Variants in CIZ1 observed in about 807,000 individuals in gnomAD.
CIZ1 encodes CDKN1A interacting zinc finger protein 1.
Under a neutral mutation model 118.6 loss-of-function variants are expected in CIZ1, and 58 were observed. The observed-to-expected ratio is 0.49, with a 90% CI of 0.40 to 0.61. The LOEUF is 0.61. CIZ1 is among the 20% of genes least tolerant of loss of function. CIZ1 has a pLI of 0.00. For synonymous variants in CIZ1, 448 were observed against 443.4 expected (o/e 1.01, Z -0.13); for missense variants, 921 against 1,115.9 (o/e 0.83, Z 2.49).
intron 3 of CIZ1, among the ~76,000 whole-genome samples, chr9:128,189,119 T>G (rs377207010): frequency 6.6e-6 from 1 of 152,022 alleles, no homozygotes; most frequent in East Asian, 1.9e-4. Context: ...GTATTTTTAA[T>G]AGAGACAGAG....
At chr9:128,177,965 C>T (rs982666353) in intron 9 of CIZ1, among the ~76,000 whole-genome samples, 1 of 152,158 alleles carries the variant, frequency 6.6e-6, no homozygotes, top group Non-Finnish European at 1.5e-5. Context: ...GCCTAAAGTA[C>T]CACTCATCCC....
At position 128,201,171 on chromosome 9, in the gene CIZ1, G is replaced by A. The variant is rs569378485; in HGVS notation, c.-6+3015C>T. On this transcript the variant is annotated intron_variant, in intron 1 of 17. Coordinates refer to the CIZ1 transcript ENST00000372948. ...TAGTCCCAGCTACTTGGGAGGCTGA[G>A]GCAGGAGAATTGCTTGAACCCAGGA... Among the ~76,000 whole-genome samples, 65 of 152,228 alleles carry A rather than the reference G, an allele frequency of 4.3e-4. 3 individuals carry two copies. The highest frequency in any genetic ancestry group is 1.5e-3 in the African/African-American group (62 of 41,478).
At chr9:128,188,435 C>T (rs1465043251) in intron 3 of CIZ1, among the ~76,000 whole-genome samples, 1 of 152,074 alleles carries the variant, frequency 6.6e-6, no homozygotes, top group Non-Finnish European at 1.5e-5. Context: ...GTTTTCCTAT[C>T]CCCATTTTTA....
intron 5 of CIZ1, among the ~76,000 whole-genome samples, chr9:128,184,489 A>ATTTTTTTTT: frequency 8.9e-6 from 1 of 112,126 alleles, no homozygotes; most frequent in South Asian, 2.8e-4. Context: ...GGCAGTGCTG[A>ATTTTTTTTT]TTTTTTTTTT....
chr9:128,195,856 C>T (rs1229288198), upstream of CIZ1, among the ~76,000 whole-genome samples: 1 of 151,958 alleles, frequency 6.6e-6, no homozygotes, highest in Non-Finnish European at 1.5e-5. Context: ...CTCTGAAATC[C>T]CATCAGAATT....
At chr9:128,198,533 C>T (rs1259376477) in intron 1 of CIZ1, among the ~76,000 whole-genome samples, 4 of 152,156 alleles carry the variant, frequency 2.6e-5, no homozygotes, top group Admixed American at 6.5e-5. Flanking sequence ...CAAATACTGT[C>T]AAAAAGGGCT....
intron 12 of CIZ1, 142 bp from the exon 13 acceptor site, chr9:128,169,661 C>T: frequency 1.9e-6 from 3 of 1,540,082 alleles, no homozygotes; most frequent in Admixed American, 2.0e-5. Flanking sequence ...CACCCCTGCA[C>T]TGGAACGTGG....
chr9:128,180,613 C>T (rs1831460688), intron 6 of CIZ1, 90 bp from the exon 7 acceptor site: 4 of 1,370,396 alleles, frequency 2.9e-6, no homozygotes, highest in Non-Finnish European at 4.1e-6. Flanking sequence ...CCCCGCCTTC[C>T]CACCAAGAAC....
chr9:128,173,258 C>A (rs1276489460), intron 11 of CIZ1, among the ~76,000 whole-genome samples: 1 of 151,036 alleles, frequency 6.6e-6, no homozygotes, highest in Admixed American at 6.6e-5. Flanking sequence ...CATTCTCCTG[C>A]CTCAGCCTCC....
At position 128,190,838 on chromosome 9, in the gene CIZ1, T is replaced by A. The variant is rs759717846; in HGVS notation, c.20A>T (p.Gln7Leu). The change falls in exon 2 of 17, where the codon CAG becomes CTG. Residue 7 changes from glutamine to leucine, a missense_variant. By Grantham distance (113) the Gln-to-Leu change is moderately radical. Transcript: ENST00000372938. ...CTGCTGCTGTTGCTGGAGCTGCTGCTGCTGCTGCTGGCTGAACATGGTGGC... is the reference window on the plus strand; with the variant it reads ...CTGCTGCTGTTGCTGGAGCTGCTGCAGCTGCTGCTGGCTGAACATGGTGGC... Reference protein sequence around the residue: MFSQQQQQQLQQQQQQL... With the variant: MFSQQQLQQLQQQQQQL... 1.9e-6 allele frequency: 3 copies of A among 1,542,752 alleles called. No homozygotes were observed. Among genetic ancestry groups the A allele is most frequent in the Non-Finnish European group, 2.6e-6 (3 of 1,147,052 alleles).
Position 128,166,355 on chromosome 9 carries a change from G to A in CIZ1, c.2539C>T (p.Arg847Trp), listed in dbSNP as rs778076408. The change falls in exon 17 of 17, where the codon CGG becomes TGG. Residue 847 changes from arginine (R) to tryptophan (W), a missense_variant. Physicochemically the swap from Arg to Trp is moderately radical, Grantham distance 101. Coordinates refer to ENST00000372938, the MANE Select transcript of CIZ1 (RefSeq NM_001131016.2). This position sits in a 1 kb window ranked among gnomAD's most constrained non-coding sequence, Gnocchi z 4.4. ...GCGTTCCGGGCGTTGATTGCGCACC[G>A]GCGGCTCACAGGTCGGGTGGTGGGG... ...PSPTTRPVSRRCAINARNALT... is the reference protein window; with the variant it reads ...PSPTTRPVSRWCAINARNALT... The A allele has an allele frequency of 7.7e-6, 12 of 1,561,584 alleles. No homozygotes were observed. The highest frequency in any genetic ancestry group is 3.8e-5 in the Admixed American group (2 of 52,006).
Position 128,178,356 on chromosome 9 carries a change from G to A in CIZ1, c.1620+13C>T. On this transcript the variant is annotated intron_variant, in intron 9 of 16. Coordinates refer to ENST00000372938, the MANE Select transcript of CIZ1 (RefSeq NM_001131016.2). The stretch of plus-strand genomic sequence containing the variant: ...TGTGGCCCTCACACTGCCACATCAG[G>A]GCCTCTACCCACCCCTGGCATCTCT... 1 of 1,610,738 alleles carries A rather than the reference G, an allele frequency of 6.2e-7. No individual in the cohort carries two copies. Among genetic ancestry groups the A allele is most frequent in the Non-Finnish European group, 8.5e-7 (1 of 1,178,680 alleles).
At chr9:128,177,528 G>GCCCCCCCCCCCCCCCA in intron 10 of CIZ1, 38 bp downstream of exon 10, 2 of 1,164,634 alleles carry the variant, frequency 1.7e-6, no homozygotes, top group Non-Finnish European at 1.2e-6. Flanking sequence ...TTCCACGCAG[G>GCCCCCCCCCCCCCCCA]CCCCACCCCT....
In CIZ1 at chr9:128,166,572, C is replaced by T; in HGVS notation, c.2488-166G>A. On this transcript the variant is annotated intron_variant, in intron 16 of 16. Coordinates refer to ENST00000372938, the MANE Select transcript of CIZ1 (RefSeq NM_001131016.2). The surrounding 1 kb of genome is among the most constrained non-coding windows in gnomAD (Gnocchi z 4.4). ...CGTCTCTGGAGCTAACAGCCTGGCA[C>T]TCAGCATCCCCTTGAACAATAAGAG... The T allele has an allele frequency of 1.1e-6, 1 of 939,724 alleles. No individual in the cohort carries two copies. Among genetic ancestry groups the T allele is most frequent in the Non-Finnish European group, 1.6e-6 (1 of 630,554 alleles). The allele number at this position is 939,724 out of a possible 1,614,324, so 58.2% of individuals were successfully genotyped here.
chr9:128,198,871 T>C (rs1317423383), intron 1 of CIZ1, among the ~76,000 whole-genome samples: 2 of 151,814 alleles, frequency 1.3e-5, no homozygotes, highest in Admixed American at 6.6e-5. Context: ...ACTAAAAATA[T>C]GTATTCACCA....
intron 9 of CIZ1, 57 bp from the exon 10 acceptor site, chr9:128,177,820 C>A: frequency 2.4e-6 from 3 of 1,248,658 alleles, no homozygotes; most frequent in Non-Finnish European, 3.3e-6. Context: ...GTGGGCCAGC[C>A]CAGCATTCAA....
chr9:128,178,272 C>T, intron 9 of CIZ1, 97 bp downstream of exon 9: 1 of 1,413,126 alleles, frequency 7.1e-7, no homozygotes. Context: ...GTGGGGGAAA[C>T]ACAAGGAGGC....
chr9:128,171,819 A>G (rs918934731), intron 11 of CIZ1, among the ~76,000 whole-genome samples: 2 of 152,038 alleles, frequency 1.3e-5, no homozygotes, highest in African/African-American at 2.4e-5. Context: ...GGGAAAGATC[A>G]TTGCAACATA....
At chr9:128,181,173 T>C (rs1831560254) in intron 5 of CIZ1, among the ~76,000 whole-genome samples, 1 of 151,942 alleles carries the variant, frequency 6.6e-6, no homozygotes, top group African/African-American at 2.4e-5. Flanking sequence ...TGGAGTGCAA[T>C]AGCACAATCC....
Sources: gnomAD v4.1 joint callset for allele counts (sites outside exome capture counted in the v4.1 genomes callset) on GRCh38, gnomAD v4.1.1 for gene constraint, Gnocchi (gnomAD v3.1) non-coding constraint, MANE v1.5 for transcripts, NCBI Gene and HGNC (gene_info 2026-07-23, HGNC 2026-07-21) for gene names.